The following CA6 variants were observed in gnomAD, a reference collection of about 807,000 sequenced individuals.
CA6 encodes the protein carbonate dehydratase VI.
CA6 carries 28 observed loss-of-function variants against 35.9 expected under a neutral mutation model. That is an observed-to-expected ratio of 0.78 (90% confidence interval 0.58 to 1.07). The LOEUF (loss-of-function observed/expected upper bound fraction) is 1.07. CA6 is among the 50% of genes least tolerant of loss of function. The pLI is 0.00. For missense variants in CA6, 377 were observed against 382.0 expected (o/e 0.99, Z 0.11); for synonymous variants, 148 against 152.6 (o/e 0.97, Z 0.22).
Position 8,970,927 on chromosome 1 carries a change from C to A in CA6, c.790C>A (p.Arg264Ser). 1 of 1,614,090 alleles carries A rather than the reference C, an allele frequency of 6.2e-7. No individual in the cohort carries two copies. Among genetic ancestry groups the A allele is most frequent in the South Asian group, 1.1e-5 (1 of 91,084 alleles). Residue 264 changes from arginine (R) to serine (S), a missense_variant, in exon 7 of 8, where the codon CGC becomes AGC. By Grantham distance (110) the Arg-to-Ser change is moderately radical. Coordinates refer to ENST00000377443, the MANE Select transcript of CA6 (RefSeq NM_001215.4). ...CAACAAGACCATCCACAACGATTAC[C>A]GCAGGACCCAGCCCCTGAACCACAG... ...HRNKTIHNDY[R>S]RTQPLNHRVV...
intron 7 of CA6, among the ~76,000 whole-genome samples, chr1:8,973,139 C>T (rs1436557889): frequency 3.9e-5 from 6 of 152,150 alleles, no homozygotes; most frequent in African/African-American, 1.4e-4. Flanking sequence ...CCTGCCTCAG[C>T]CTCCCAAGTA....
chr1:8,972,130 CT>C (rs1640125078), intron 7 of CA6, among the ~76,000 whole-genome samples: 1 of 152,100 alleles, frequency 6.6e-6, no homozygotes, highest in African/African-American at 2.4e-5. Flanking sequence ...TCACTGCAGC[CT>C]CAAACATCCA....
intron 2 of CA6, chr1:8,951,302 C>A: frequency 1.7e-6 from 1 of 596,354 alleles, no homozygotes. Flanking sequence ...GAAGCTCTGT[C>A]TGTAAAAGGA....
chr1:8,974,449 A>C (rs755957225), intron 7 of CA6, 173 bp from the exon 8 acceptor site: 35 of 1,523,260 alleles, frequency 2.3e-5, no homozygotes, highest in Non-Finnish European at 2.8e-5. Flanking sequence ...GCCTGAGTTC[A>C]AACACAGTGA....
rs185121801 is a variant in CA6 at position 8,950,245 on chromosome 1, A to T, written c.259+803A>T. ...TTATCTGCCCACCTTAGCCTCCCCA[A>T]AGTGCTGGGATTACAGGCACGAGCC... On this transcript the variant is annotated intron_variant, in intron 2 of 7. Coordinates refer to ENST00000377443, the MANE Select transcript of CA6 (RefSeq NM_001215.4). Among the ~76,000 whole-genome samples the T allele has an allele frequency of 3.3e-5, 5 of 152,064 alleles. No homozygotes were observed. The East Asian group carries it at 9.7e-4, about 29-fold the overall frequency.
At position 8,950,891 on chromosome 1, in the gene CA6, A is replaced by G. The variant is rs564156763; in HGVS notation, c.259+1449A>G. On this transcript the variant is annotated intron_variant, in intron 2 of 7. Coordinates refer to ENST00000377443, the MANE Select transcript of CA6 (RefSeq NM_001215.4). Reference sequence around the variant, plus strand: ...TAAAATAAAAAAATAAAAGGGTCACAGGACTTAGTGTTCTTATCTTGCACA... The same window carrying G: ...TAAAATAAAAAAATAAAAGGGTCACGGGACTTAGTGTTCTTATCTTGCACA... Among the ~76,000 whole-genome samples the G allele has an allele frequency of 2.0e-4, 31 of 152,200 alleles. 1 individual carries two copies. In the South Asian group the frequency reaches 6.4e-3, roughly 32 times the overall value.
chr1:8,972,264 T>C (rs1640128258), intron 7 of CA6, among the ~76,000 whole-genome samples: 1 of 152,052 alleles, frequency 6.6e-6, no homozygotes, highest in African/African-American at 2.4e-5. Flanking sequence ...TTGCTCAGAC[T>C]GGTCTCAAAC....
intron 3 of CA6, among the ~76,000 whole-genome samples, chr1:8,957,994 T>C (rs111936128): frequency 4.7e-4 from 71 of 152,148 alleles, no homozygotes; most frequent in African/African-American, 1.4e-3. Context: ...AGTTAAGTCA[T>C]GCTGAAGTTG....
In CA6 at chr1:8,957,159, C is replaced by CA; in HGVS notation, c.283dup (p.Met95AsnfsTer7). On this transcript the variant is annotated frameshift_variant, in exon 3 of 8. Coordinates refer to ENST00000377443, the MANE Select transcript of CA6 (RefSeq NM_001215.4). LOFTEE classifies it high-confidence loss of function. Reference sequence around the variant, plus strand: ...CAGTGCAGATCAGCCTGCCCTCCACCATGCGCATGACAGTGGCTGACGGCA... The same window carrying CA: ...CAGTGCAGATCAGCCTGCCCTCCACCAATGCGCATGACAGTGGCTGACGGCA... The CA allele has an allele frequency of 1.9e-6, 3 of 1,612,604 alleles. No individual in the cohort carries two copies. Among genetic ancestry groups the CA allele is most frequent in the Non-Finnish European group, 2.5e-6 (3 of 1,179,074 alleles).
chr1:8,945,994 C>A (rs761252134), intron 1 of CA6, 29 bp downstream of exon 1: 12 of 1,417,734 alleles, frequency 8.5e-6, no homozygotes, highest in Non-Finnish European at 1.0e-5. Flanking sequence ...CATGCTCCCC[C>A]AGTTACCCTC....
At chr1:8,959,315 CTT>C (rs869139632) in intron 4 of CA6, among the ~76,000 whole-genome samples, 35 of 137,056 alleles carry the variant, frequency 2.6e-4, no homozygotes, top group Admixed American at 2.9e-4. Flanking sequence ...TCTGCATTTC[CTT>C]TTTTTTTTTT....
chr1:8,954,995 A>G (rs1475262326), intron 2 of CA6, among the ~76,000 whole-genome samples: 1 of 151,788 alleles, frequency 6.6e-6, no homozygotes, highest in Non-Finnish European at 1.5e-5. Context: ...TGAACTCCCA[A>G]TTTCTCTGTT....
chr1:8,966,659 A>C (rs1052827103), intron 5 of CA6, among the ~76,000 whole-genome samples: 5 of 152,338 alleles, frequency 3.3e-5, no homozygotes, highest in Admixed American at 3.3e-4. Flanking sequence ...GTATGTATCA[A>C]AACTATGTTC....
At chr1:8,956,894 G>T (rs1328973001) in intron 2 of CA6, among the ~76,000 whole-genome samples, 1 of 152,218 alleles carries the variant, frequency 6.6e-6, no homozygotes, top group African/African-American at 2.4e-5. Flanking sequence ...GCGTGCTGGG[G>T]AGAGGCACTT....
At chr1:8,968,979 C>T (rs924986938) in intron 6 of CA6, among the ~76,000 whole-genome samples, 4 of 150,494 alleles carry the variant, frequency 2.7e-5, no homozygotes, top group Non-Finnish European at 5.9e-5. Flanking sequence ...GATTGCACTA[C>T]TGCACTCCAG....
Position 8,958,968 on chromosome 1 carries a change from C to G in CA6, c.467C>G (p.Pro156Arg). The G allele has an allele frequency of 6.2e-7, 1 of 1,612,926 alleles. No homozygotes were observed. The highest frequency in any genetic ancestry group is 8.5e-7 in the Non-Finnish European group (1 of 1,179,080). The change falls in exon 4 of 8, where the codon CCG becomes CGG. Residue 156 changes from proline (P) to arginine (R), a missense_variant. Physicochemically the swap from Pro to Arg is moderately radical, Grantham distance 103. Transcript: ENST00000377443. ...YKSYDIAQDA[P>R]DGLAVLAAFV... ...AGCTATGATATAGCCCAAGATGCGC[C>G]GGATGGTTTGGCTGTACTGGCAGCC...
chr1:8,957,836 T>C (rs1358383527), intron 3 of CA6, among the ~76,000 whole-genome samples: 1 of 148,550 alleles, frequency 6.7e-6, no homozygotes, highest in East Asian at 2.0e-4. Context: ...TACACGCCTA[T>C]AGTTCCAGCT....
intron 6 of CA6, among the ~76,000 whole-genome samples, chr1:8,968,555 A>G (rs945128272): frequency 6.6e-6 from 1 of 152,204 alleles, no homozygotes; most frequent in African/African-American, 2.4e-5. Context: ...CAAAGACTTC[A>G]GTTAGTGGAA....
chr1:8,970,397 G>A (rs1037448083), intron 6 of CA6, among the ~76,000 whole-genome samples: 6 of 152,062 alleles, frequency 3.9e-5, no homozygotes, highest in African/African-American at 1.4e-4. Flanking sequence ...ATTAGTTCTG[G>A]AATAATGCCT....
Sources: gnomAD v4.1 joint callset for allele counts (sites outside exome capture counted in the v4.1 genomes callset) on GRCh38, gnomAD v4.1.1 for gene constraint, MANE v1.5 for transcripts, NCBI Gene and HGNC (gene_info 2026-07-23, HGNC 2026-07-21) for gene names.